PLEKHA7: variants seen among roughly 807,000 people sequenced by gnomAD.
PLEKHA7 encodes the protein pleckstrin homology domain-containing family A member 7.
PLEKHA7 carries 104 observed loss-of-function variants against 170.0 expected under a neutral mutation model. The ratio of observed to expected loss-of-function variants is 0.61; its 90% CI spans 0.52 to 0.72. PLEKHA7 has a LOEUF of 0.72. Among genes scored for constraint, PLEKHA7 ranks in the 30% least tolerant of loss-of-function variants. PLEKHA7 has a pLI of 0.00. For missense variants in PLEKHA7, 1,615 were observed against 1,671.7 expected (o/e 0.97, Z 0.59); for synonymous variants, 648 against 660.8 (o/e 0.98, Z 0.30).
chr11:16,814,358 CAAGG>C (rs1443127709), intron 12 of PLEKHA7, among the ~76,000 whole-genome samples: 1 of 152,190 alleles, frequency 6.6e-6, no homozygotes, highest in Non-Finnish European at 1.5e-5. Flanking sequence ...TAAAACAGAA[CAAGG>C]AAGGAAGGTA....
At chr11:16,991,241 C>T (rs1476928790) in intron 3 of PLEKHA7, among the ~76,000 whole-genome samples, 3 of 152,058 alleles carry the variant, frequency 2.0e-5, no homozygotes, top group African/African-American at 7.2e-5. Context: ...AATCATAGAG[C>T]TCAACTAACC....
chr11:16,926,242 A>G (rs569396170), intron 3 of PLEKHA7, among the ~76,000 whole-genome samples: 1 of 152,316 alleles, frequency 6.6e-6, no homozygotes, highest in East Asian at 1.9e-4. Context: ...AGCGAAGGAG[A>G]CCATACCCTC....
intron 3 of PLEKHA7, among the ~76,000 whole-genome samples, chr11:16,950,079 T>TGGGGCGG (rs1861306369): frequency 3.4e-5 from 1 of 29,188 alleles, no homozygotes; most frequent in Non-Finnish European, 6.5e-5. Context: ...AAAGTGTGTG[T>TGGGGCGG]GGGGCGGGGG....
At position 16,920,122 on chromosome 11, in the gene PLEKHA7, T is replaced by C. The variant is rs1017593303; in HGVS notation, c.222-48940A>G. 5.9e-5 allele frequency among the ~76,000 whole-genome samples: 9 copies of C among 152,356 alleles called. No homozygotes were observed. The East Asian group carries it at 1.7e-3, about 29-fold the overall frequency. ...TGGGGGATTAAATGTGAGTAACTTG[T>C]ATAAAGCACATGGAAAGGGCTGGCT... On this transcript the variant is annotated intron_variant, in intron 3 of 26. Coordinates refer to ENST00000531066, the MANE Select transcript of PLEKHA7 (RefSeq NM_001329630.2).
chr11:16,821,316 T>G (rs1274146217), intron 10 of PLEKHA7, among the ~76,000 whole-genome samples: 10 of 152,200 alleles, frequency 6.6e-5, no homozygotes, highest in Admixed American at 6.5e-4. Flanking sequence ...ACCCCAACAT[T>G]TCTATTTTAC....
In PLEKHA7 at chr11:16,841,663, G is replaced by A. The variant is rs35873274; in HGVS notation, c.756C>T (p.Ala252=). The change falls in exon 9 of 27, where the codon GCC becomes GCT. Residue 252 remains alanine, a synonymous_variant. Transcript: ENST00000531066. The part of the protein sequence containing the change: ...IYNSSTAGSQ[A]EQSGMRTYYF... ...AGTAGGTCCTCATGCCTGACTGCTC[G>A]GCCTGAGAGCCCGCTGTGGAGCTGT... 2.9e-5 allele frequency: 47 copies of A among 1,614,168 alleles called. No individual in the cohort carries two copies. In the African/African-American group the frequency reaches 3.6e-4, roughly 12 times the overall value.
chr11:16,872,114 G>A (rs935403347), intron 3 of PLEKHA7, among the ~76,000 whole-genome samples: 1 of 151,526 alleles, frequency 6.6e-6, no homozygotes, highest in African/African-American at 2.4e-5. Context: ...AATTACAGTT[G>A]TGCACTACCA....
intron 17 of PLEKHA7, among the ~76,000 whole-genome samples, chr11:16,796,315 G>A (rs1848227660): frequency 6.6e-6 from 1 of 152,194 alleles, no homozygotes; most frequent in African/African-American, 2.4e-5. Context: ...AGTAGTGAAT[G>A]GAATATTAGT....
intron 9 of PLEKHA7, among the ~76,000 whole-genome samples, chr11:16,837,508 T>C (rs1851609681): frequency 6.6e-6 from 1 of 152,154 alleles, no homozygotes; most frequent in Non-Finnish European, 1.5e-5. Flanking sequence ...CACAGGGAAC[T>C]CTTGAAGCTC....
intron 3 of PLEKHA7, among the ~76,000 whole-genome samples, chr11:16,923,613 T>C (rs1016082404): frequency 1.3e-5 from 2 of 151,708 alleles, no homozygotes; most frequent in Admixed American, 1.3e-4. Context: ...AGAAAGGGGA[T>C]AGAAAATTGG....
At chr11:16,996,457 A>G (rs1335380092) in intron 3 of PLEKHA7, among the ~76,000 whole-genome samples, 1 of 152,140 alleles carries the variant, frequency 6.6e-6, no homozygotes, top group East Asian at 1.9e-4. Flanking sequence ...AAAGACCTAT[A>G]ACGTAGCCCC....
At chr11:16,779,581 C>T (rs922323813) in intron 26 of PLEKHA7, among the ~76,000 whole-genome samples, 4 of 152,138 alleles carry the variant, frequency 2.6e-5, no homozygotes, top group Admixed American at 2.0e-4. Flanking sequence ...TCACAATGGG[C>T]GTGGCTAGAG....
At chr11:16,866,153 T>C (rs1354787324) in intron 4 of PLEKHA7, among the ~76,000 whole-genome samples, 2 of 151,832 alleles carry the variant, frequency 1.3e-5, no homozygotes, top group African/African-American at 4.8e-5. Context: ...GATTCTCTTC[T>C]CAGGAACATA....
chr11:16,893,571 G>GC (rs759611328), intron 3 of PLEKHA7, among the ~76,000 whole-genome samples: 107 of 152,056 alleles, frequency 7.0e-4, no homozygotes, highest in Non-Finnish European at 9.3e-4. Context: ...TCTAGTACCC[G>GC]CCCCCCCACA....
intron 3 of PLEKHA7, among the ~76,000 whole-genome samples, chr11:16,931,255 A>T (rs79899602): frequency 2.6e-5 from 4 of 152,190 alleles, no homozygotes; most frequent in African/African-American, 9.7e-5. Context: ...TTGAATGCCA[A>T]AAGTCTAGAG....
In PLEKHA7 at chr11:16,794,525, GA is replaced by G; in HGVS notation, c.2707del (p.Ser903ProfsTer71). On this transcript the variant is annotated frameshift_variant, in exon 19 of 27. Coordinates refer to ENST00000531066, the MANE Select transcript of PLEKHA7 (RefSeq NM_001329630.2). LOFTEE classifies it high-confidence loss of function. ...PHPPQLRKVT[S>X]PLQSPTKAKP... ...CGCCTTAGTTGGTGACTGAAGGGGG[GA>G]TGTCACTTTCCTCAGCTGGGGTGGG... The G allele has an allele frequency of 6.2e-7, 1 of 1,613,896 alleles. No individual in the cohort carries two copies. Among genetic ancestry groups the G allele is most frequent in the Non-Finnish European group, 8.5e-7 (1 of 1,180,012 alleles).
chr11:16,933,451 C>G (rs1345878255), intron 3 of PLEKHA7, among the ~76,000 whole-genome samples: 1 of 152,214 alleles, frequency 6.6e-6, no homozygotes, highest in Non-Finnish European at 1.5e-5. Flanking sequence ...GGGAGGGATT[C>G]AGCTTTGCCA....
intron 3 of PLEKHA7, among the ~76,000 whole-genome samples, chr11:16,879,443 C>T (rs751808341): frequency 2.0e-4 from 31 of 152,270 alleles, no homozygotes; most frequent in African/African-American, 5.3e-4. Context: ...CTCAAAGATA[C>T]GGGGAGGCAG....
At chr11:16,867,095 G>T (rs954553449) in intron 4 of PLEKHA7, among the ~76,000 whole-genome samples, 8 of 152,044 alleles carry the variant, frequency 5.3e-5, no homozygotes, top group Admixed American at 1.3e-4. Flanking sequence ...GGGGTGGGGG[G>T]TGAAGTGGGA....
Sources: allele counts gnomAD v4.1 joint callset (sites outside exome capture counted in the v4.1 genomes callset), GRCh38; gene constraint gnomAD v4.1.1; transcripts MANE v1.5; gene names NCBI Gene and HGNC (gene_info 2026-07-23, HGNC 2026-07-21).